EML5: variants seen among roughly 807,000 people sequenced by gnomAD.
EML5 encodes the protein EMAP like 5, also known as echinoderm microtubule-associated protein-like 5.
Under a neutral mutation model 250.0 loss-of-function variants are expected in EML5, and 120 were observed. The observed-to-expected ratio is 0.48, with a 90% confidence interval of 0.41 to 0.56. EML5 has a LOEUF of 0.56. Among genes scored for constraint, EML5 ranks in the 20% least tolerant of loss-of-function variants. The pLI is 0.00. For missense variants in EML5, 2,006 were observed against 2,437.6 expected (o/e 0.82, Z 3.73); for synonymous variants, 771 against 806.5 (o/e 0.96, Z 0.75).
At chr14:88,771,624 G>A (rs1275470666) in intron 1 of EML5, among the ~76,000 whole-genome samples, 2 of 152,008 alleles carry the variant, frequency 1.3e-5, no homozygotes, top group Non-Finnish European at 2.9e-5. Flanking sequence ...TCCCTTTATT[G>A]TGTTAACATA....
intron 33 of EML5, among the ~76,000 whole-genome samples, chr14:88,634,211 C>T (rs1011474234): frequency 1.3e-5 from 2 of 152,112 alleles, no homozygotes; most frequent in Non-Finnish European, 2.9e-5. Flanking sequence ...CTCTCTCTTC[C>T]TCCTGCTTCC....
chr14:88,759,773 T>C (rs1019559570), intron 1 of EML5, among the ~76,000 whole-genome samples: 5 of 150,814 alleles, frequency 3.3e-5, no homozygotes, highest in East Asian at 3.9e-4. Context: ...AACAGAGGTA[T>C]TCAAAGTCAA....
At chr14:88,664,312 A>G (rs1229159689) in intron 23 of EML5, among the ~76,000 whole-genome samples, 181 bp downstream of exon 23, 1 of 151,714 alleles carries the variant, frequency 6.6e-6, no homozygotes. Context: ...GGAAAAAGAA[A>G]AGTCTCAACT....
At chr14:88,755,112 G>A (rs2094143434) in intron 1 of EML5, among the ~76,000 whole-genome samples, 1 of 152,058 alleles carries the variant, frequency 6.6e-6, no homozygotes. Context: ...CAGGTAATTT[G>A]GATTTAAAAT....
rs931657311 is a variant in EML5 at position 88,792,277 on chromosome 14, G to A, written c.197+30C>T. On this transcript the variant is annotated intron_variant, in intron 1 of 43. Coordinates refer to ENST00000554922, the MANE Select transcript of EML5 (RefSeq NM_183387.3). The surrounding 1 kb of genome is among the most constrained non-coding windows in gnomAD (Gnocchi z 6.9). ...GCAAACTCCGGGAGCGGCTTGCAGGGTGACGGCGGCGGCCCCCGCTCCCCG... is the reference window on the plus strand; with the variant it reads ...GCAAACTCCGGGAGCGGCTTGCAGGATGACGGCGGCGGCCCCCGCTCCCCG... 3.4e-5 allele frequency: 52 copies of A among 1,543,182 alleles called. No homozygotes were observed. Among genetic ancestry groups the A allele is most frequent in the Non-Finnish European group, 4.2e-5 (48 of 1,145,754 alleles).
At chr14:88,640,551 G>A (rs12883219) in intron 31 of EML5, among the ~76,000 whole-genome samples, 6,139 of 152,156 alleles carry the variant, frequency 0.04, 206 homozygotes, top group Non-Finnish European at 0.061. Flanking sequence ...TGTAGCAAAA[G>A]CATGTTAAAT....
At chr14:88,748,007 A>G (rs1416781301) in intron 2 of EML5, among the ~76,000 whole-genome samples, 1 of 152,116 alleles carries the variant, frequency 6.6e-6, no homozygotes, top group East Asian at 1.9e-4. Flanking sequence ...CAAATAAATT[A>G]AGTCCTGTAA....
chr14:88,627,392 G>C, intron 34 of EML5: 1 of 482,096 alleles, frequency 2.1e-6, no homozygotes, highest in Non-Finnish European at 3.6e-6. Flanking sequence ...ATAGTTTCTT[G>C]CTGGAAGAAA....
At position 88,744,453 on chromosome 14, in the gene EML5, G is replaced by A. The variant is rs536975393; in HGVS notation, c.457-362C>T. ...ACAGAAAAGAGATTCAGAATGGAAC[G>A]TGACACTTACACAGCCTAGAAATAA... On this transcript the variant is annotated intron_variant, in intron 3 of 43. Transcript: ENST00000554922. Among the ~76,000 whole-genome samples, 103 of 152,038 alleles carry A rather than the reference G, an allele frequency of 6.8e-4. 1 individual carries two copies. Among genetic ancestry groups the A allele is most frequent in the Non-Finnish European group, 9.3e-4 (63 of 67,854 alleles).
chr14:88,649,687 G>A (rs2091529179), intron 28 of EML5, among the ~76,000 whole-genome samples: 1 of 152,114 alleles, frequency 6.6e-6, no homozygotes, highest in African/African-American at 2.4e-5. Context: ...AGTTTGTACA[G>A]TCATATGTAA....
At chr14:88,719,852 G>A (rs374821017) in intron 8 of EML5, among the ~76,000 whole-genome samples, 2 of 151,728 alleles carry the variant, frequency 1.3e-5, no homozygotes, top group African/African-American at 4.8e-5. Context: ...TCTAGGATCT[G>A]GTTTTTTGAA....
chr14:88,616,086 T>G, intron 43 of EML5, 56 bp downstream of exon 43: 1 of 1,565,114 alleles, frequency 6.4e-7, no homozygotes, highest in South Asian at 1.1e-5. Flanking sequence ...GTTGTTGTAT[T>G]AAGTCTCTTA....
chr14:88,627,325 A>G (rs1016109714), intron 34 of EML5: 4 of 468,310 alleles, frequency 8.5e-6, no homozygotes, highest in Admixed American at 7.5e-5. Flanking sequence ...ATCATTAGAA[A>G]TATACATAAT....
At chr14:88,776,606 C>A (rs1244019243) in intron 1 of EML5, among the ~76,000 whole-genome samples, 1 of 151,870 alleles carries the variant, frequency 6.6e-6, no homozygotes, top group Non-Finnish European at 1.5e-5. Flanking sequence ...GTGGGTCGGG[C>A]ATGGTGGCTC....
chr14:88,627,579 A>C, intron 34 of EML5, 67 bp downstream of exon 34: 1 of 1,468,182 alleles, frequency 6.8e-7, no homozygotes, highest in Admixed American at 2.3e-5. Context: ...ACAAATATTA[A>C]ATACAGAATT....
At chr14:88,740,287 A>C (rs2093905489) in intron 5 of EML5, 100 bp downstream of exon 5, 2 of 1,020,248 alleles carry the variant, frequency 2.0e-6, no homozygotes, top group African/African-American at 3.2e-5. Flanking sequence ...TCAAGCAACC[A>C]AACTGACTAG....
intron 1 of EML5, among the ~76,000 whole-genome samples, chr14:88,758,566 A>G (rs995833434): frequency 6.6e-6 from 1 of 152,202 alleles, no homozygotes; most frequent in Non-Finnish European, 1.5e-5. Context: ...ACCCTTAAAC[A>G]TTGATTATGG....
intron 2 of EML5, among the ~76,000 whole-genome samples, chr14:88,747,908 G>A (rs2094031585): frequency 6.8e-6 from 1 of 145,994 alleles, no homozygotes; most frequent in Non-Finnish European, 1.5e-5. Flanking sequence ...GCCATAAACA[G>A]CTAGAAACTG....
intron 2 of EML5, among the ~76,000 whole-genome samples, chr14:88,748,679 G>C (rs2094044349): frequency 6.6e-6 from 1 of 151,998 alleles, no homozygotes; most frequent in African/African-American, 2.4e-5. Flanking sequence ...AAAATTAGGA[G>C]ACATTTGCTG....
Sources: gnomAD v4.1 joint callset for allele counts (sites outside exome capture counted in the v4.1 genomes callset) on GRCh38, gnomAD v4.1.1 for gene constraint, Gnocchi (gnomAD v3.1) non-coding constraint, MANE v1.5 for transcripts, NCBI Gene and HGNC (gene_info 2026-07-23, HGNC 2026-07-21) for gene names.